Variants in KAZN observed in about 807,000 individuals in gnomAD.
The protein encoded by KAZN is kazrin, periplakin interacting protein, also known as kazrin.
In KAZN, 40 loss-of-function variants were observed where a neutral mutation model predicts 87.4. The ratio of observed to expected loss-of-function variants is 0.46; its 90% CI spans 0.36 to 0.60. The LOEUF (loss-of-function observed/expected upper bound fraction) is 0.60. Among genes scored for constraint, KAZN ranks in the 20% least tolerant of loss-of-function variants. KAZN has a pLI of 0.00. For synonymous variants in KAZN, 466 were observed against 458.3 expected (o/e 1.02, Z -0.22); for missense variants, 898 against 1,073.9 (o/e 0.84, Z 2.29).
At chr1:14,938,892 T>G (rs988286864) in intron 1 of KAZN, among the ~76,000 whole-genome samples, 8 of 152,256 alleles carry the variant, frequency 5.3e-5, no homozygotes, top group Non-Finnish European at 8.8e-5. Context: ...TGCTGCTTTA[T>G]CAATAAACCA....
chr1:14,740,152 G>A (rs1644043551), intron 1 of KAZN, among the ~76,000 whole-genome samples: 1 of 152,148 alleles, frequency 6.6e-6, no homozygotes, highest in African/African-American at 2.4e-5. Flanking sequence ...CAGCCCCTAG[G>A]AGGCAAATTG....
intron 1 of KAZN, among the ~76,000 whole-genome samples, chr1:14,918,542 AGCACAT>A (rs753963635): frequency 3.2e-4 from 48 of 151,612 alleles, no homozygotes; most frequent in Non-Finnish European, 5.2e-4. Context: ...CGGACGTGGT[AGCACAT>A]GCCTGTAGTC....
At chr1:14,762,187 C>T (rs916964507) in intron 1 of KAZN, among the ~76,000 whole-genome samples, 5 of 152,138 alleles carry the variant, frequency 3.3e-5, no homozygotes, top group African/African-American at 1.2e-4. Flanking sequence ...CAGACATTGC[C>T]AGAGGGCCAA....
At chr1:14,047,592 G>T (rs1642130048) in intron 1 of KAZN, among the ~76,000 whole-genome samples, 1 of 152,182 alleles carries the variant, frequency 6.6e-6, no homozygotes, top group Non-Finnish European at 1.5e-5. Context: ...GTTTAGTCCG[G>T]GCATGGCGGC....
chr1:14,380,725 G>A (rs1003032703), intron 2 of KAZN, among the ~76,000 whole-genome samples: 3 of 152,102 alleles, frequency 2.0e-5, no homozygotes, highest in Non-Finnish European at 4.4e-5. Context: ...ATGAGATCTA[G>A]AAAAATAGCC....
chr1:14,016,223 C>T (rs567459385), intron 1 of KAZN, among the ~76,000 whole-genome samples: 5 of 152,214 alleles, frequency 3.3e-5, no homozygotes, highest in Non-Finnish European at 7.4e-5. Flanking sequence ...TGTAGGGCTC[C>T]GAGATTAACT....
intron 2 of KAZN, among the ~76,000 whole-genome samples, chr1:14,550,710 T>TCTCTCC (rs1673446876): frequency 1.5e-5 from 1 of 67,888 alleles, no homozygotes; most frequent in Non-Finnish European, 3.5e-5. Context: ...CTTTTCTCTC[T>TCTCTCC]CTCTCTCTCT....
chr1:14,345,793 A>G (rs1658063170), intron 2 of KAZN, among the ~76,000 whole-genome samples: 1 of 152,244 alleles, frequency 6.6e-6, no homozygotes, highest in Admixed American at 6.5e-5. Context: ...TCCAGGGACC[A>G]TCCTTTGAAC....
chr1:14,654,606 A>G (rs2148703672), intron 1 of KAZN, among the ~76,000 whole-genome samples: 1 of 152,272 alleles, frequency 6.6e-6, no homozygotes, highest in Admixed American at 6.5e-5. Flanking sequence ...CCTCCTCTGC[A>G]GTGGAAAACA....
At position 14,996,881 on chromosome 1, in the gene KAZN, C is replaced by T. The variant is rs933122040; in HGVS notation, c.418+36006C>T. Among the ~76,000 whole-genome samples, 9 of 152,208 alleles carry T rather than the reference C, an allele frequency of 5.9e-5. No homozygotes were observed. Among genetic ancestry groups the T allele is most frequent in the African/African-American group, 2.2e-4 (9 of 41,470 alleles). ...TGCGGCCCCATGACCTCGCACCCAC[C>T]TCCCTGCCTGACCTCACCGCCCCAG... On this transcript the variant is annotated intron_variant, in intron 2 of 14. Transcript: ENST00000376030. The surrounding 1 kb of genome is among the most constrained non-coding windows in gnomAD (Gnocchi z 5.9).
At chr1:14,258,529 C>T (rs1650753004) in intron 2 of KAZN, among the ~76,000 whole-genome samples, 1 of 151,904 alleles carries the variant, frequency 6.6e-6, no homozygotes, top group Non-Finnish European at 1.5e-5. Context: ...GCCACTGCGC[C>T]TAAAAAAACA....
At chr1:14,946,660 G>A (rs1224576893) in intron 1 of KAZN, among the ~76,000 whole-genome samples, 1 of 152,174 alleles carries the variant, frequency 6.6e-6, no homozygotes, top group African/African-American at 2.4e-5. Context: ...GCGACGTCTA[G>A]GAGAGCCTTC....
chr1:14,931,643 G>A (rs1265395485), intron 1 of KAZN, among the ~76,000 whole-genome samples: 2 of 152,126 alleles, frequency 1.3e-5, no homozygotes, highest in Non-Finnish European at 2.9e-5. Context: ...TTTGTATCAA[G>A]TACCCTGCGT....
Position 14,459,995 on chromosome 1 carries a change from G to A in KAZN, c.250-138988G>A, listed in dbSNP as rs111398497. 1.8e-4 allele frequency among the ~76,000 whole-genome samples: 27 copies of A among 152,204 alleles called. No individual in the cohort carries two copies. In the South Asian group the frequency reaches 1.9e-3, roughly 11 times the overall value. ...GAGTAAGCTTTAGGCAGGTGATACC[G>A]TCAGAGCAGAAATAGCAAATCAGTA... On this transcript the variant is annotated intron_variant, in intron 2 of 16. Transcript: ENST00000636203.
At chr1:14,356,030 A>G (rs1213718681) in intron 2 of KAZN, among the ~76,000 whole-genome samples, 1 of 152,158 alleles carries the variant, frequency 6.6e-6, no homozygotes, top group Admixed American at 6.5e-5. Context: ...GGTTGAACTA[A>G]TTTACACTCC....
intron 1 of KAZN, among the ~76,000 whole-genome samples, chr1:13,967,119 T>C (rs1214423995): frequency 6.6e-6 from 1 of 152,218 alleles, no homozygotes; most frequent in Non-Finnish European, 1.5e-5. Flanking sequence ...AAAGTTATTT[T>C]TTTCAAAGCT....
chr1:13,938,572 G>A (rs1422692778), intron 1 of KAZN, among the ~76,000 whole-genome samples: 6 of 151,786 alleles, frequency 4.0e-5, no homozygotes, highest in African/African-American at 1.2e-4. Context: ...CAAATCCTTG[G>A]TGTCCAGGCA....
At chr1:13,894,891 G>C (rs561887087) in intron 1 of KAZN, among the ~76,000 whole-genome samples, 3 of 152,326 alleles carry the variant, frequency 2.0e-5, no homozygotes, top group East Asian at 3.9e-4. Context: ...TCTGCACAGA[G>C]AGGCAGCTCG....
intron 2 of KAZN, among the ~76,000 whole-genome samples, chr1:14,555,693 A>G (rs1159187778): frequency 6.6e-6 from 1 of 152,238 alleles, no homozygotes; most frequent in African/African-American, 2.4e-5. Context: ...AAAAGGGCAG[A>G]TAACTCAGCT....
Sources: gnomAD v4.1 joint callset for allele counts (sites outside exome capture counted in the v4.1 genomes callset) on GRCh38, gnomAD v4.1.1 for gene constraint, Gnocchi (gnomAD v3.1) non-coding constraint, MANE v1.5 for transcripts, NCBI Gene and HGNC (gene_info 2026-07-23, HGNC 2026-07-21) for gene names.